The following SF3B3 variants were observed in gnomAD, a reference collection of about 807,000 sequenced individuals.
The protein encoded by SF3B3 is SAP 130.
A neutral mutation model predicts 139.2 loss-of-function variants in SF3B3; 33 were observed. The ratio of observed to expected loss-of-function variants is 0.24; its 90% CI spans 0.18 to 0.32. SF3B3 has a LOEUF of 0.32. SF3B3 is among the 10% of genes least tolerant of loss of function. The pLI is 1.00. For missense variants in SF3B3, 818 were observed against 1,509.4 expected (o/e 0.54, Z 7.59); for synonymous variants, 596 against 563.6 (o/e 1.06, Z -0.81).
chr16:70,537,999 G>GT, intron 6 of SF3B3: 1 of 545,938 alleles, frequency 1.8e-6, no homozygotes, highest in South Asian at 1.4e-5. Flanking sequence ...ATGGAGCAGT[G>GT]TTTCACAGCC....
Position 70,556,895 on chromosome 16 carries a change from C to T in SF3B3, c.1876C>T (p.Gln626Ter). 1 of 1,614,074 alleles carries T rather than the reference C, an allele frequency of 6.2e-7. No individual in the cohort carries two copies. Among genetic ancestry groups the T allele is most frequent in the Non-Finnish European group, 8.5e-7 (1 of 1,179,986 alleles). Residue 626 changes from glutamine to a stop codon, truncating the protein, a stop_gained, in exon 15 of 26, where the codon CAA becomes TAA. Transcript: ENST00000302516. LOFTEE classifies it high-confidence loss of function. ...TTTCTCTCCCTCTCAGGACTGTTTG[C>T]AACCTCTAAGCATGCAGGCTCTCCC... ...IISLDPSDCL[Q>*]PLSMQALPAQ...
At chr16:70,541,865 T>A in intron 9 of SF3B3, 31 bp downstream of exon 9, 1 of 1,590,922 alleles carries the variant, frequency 6.3e-7, no homozygotes, top group South Asian at 1.1e-5. Context: ...CCTTCCACAA[T>A]AGATCTAAAG....
chr16:70,559,439 C>T (rs1290880768), intron 15 of SF3B3, among the ~76,000 whole-genome samples: 2 of 152,044 alleles, frequency 1.3e-5, no homozygotes, highest in African/African-American at 4.8e-5. Flanking sequence ...GTAATCCCAG[C>T]GCTTTGCGAG....
At chr16:70,525,384 C>T (rs1159910915) in intron 1 of SF3B3, among the ~76,000 whole-genome samples, 2 of 152,060 alleles carry the variant, frequency 1.3e-5, no homozygotes, top group Admixed American at 6.6e-5. Flanking sequence ...CCTTCCTCCA[C>T]GATCCAAAGT....
At chr16:70,536,649 G>A (rs1222813662) in intron 6 of SF3B3, among the ~76,000 whole-genome samples, 4 of 151,204 alleles carry the variant, frequency 2.6e-5, no homozygotes, top group African/African-American at 4.9e-5. Flanking sequence ...GTGAGCCACC[G>A]CACCCGGCCT....
At chr16:70,532,703 T>G (rs2050133130) in intron 5 of SF3B3, 83 bp downstream of exon 5, 2 of 1,366,044 alleles carry the variant, frequency 1.5e-6, no homozygotes, top group Admixed American at 3.7e-5. Flanking sequence ...TTAAAGGGTT[T>G]GGGAATTAAT....
rs779969129 is a variant in SF3B3 at position 70,567,444 on chromosome 16, C to T, written c.2860C>T (p.Pro954Ser). Residue 954 changes from proline to serine, a missense_variant, in exon 21 of 26, where the codon CCA becomes TCA. Coordinates refer to ENST00000302516, the MANE Select transcript of SF3B3 (RefSeq NM_012426.5). ...GGAAGAGGTCCCTGCTGCTATTGCC[C>T]CATTCCAGGGGAGGGTGTTGATTGG... ...PVEEVPAAIA[P>S]FQGRVLIGVG... 2 of 1,613,908 alleles carry T rather than the reference C, an allele frequency of 1.2e-6. No individual in the cohort carries two copies. Among genetic ancestry groups the T allele is most frequent in the African/African-American group, 2.7e-5 (2 of 74,914 alleles).
chr16:70,532,339 A>T, intron 4 of SF3B3, 140 bp from the exon 5 acceptor site: 1 of 545,736 alleles, frequency 1.8e-6, no homozygotes, highest in Non-Finnish European at 2.9e-6. Flanking sequence ...TGGGTGACAT[A>T]GTGAGAACCT....
intron 3 of SF3B3, 52 bp downstream of exon 3, chr16:70,529,251 T>G (rs1337892317): frequency 6.8e-7 from 1 of 1,469,046 alleles, no homozygotes; most frequent in Non-Finnish European, 9.4e-7. Context: ...ATAACAATGC[T>G]GTGCTCTTGG....
chr16:70,556,639 A>T, intron 14 of SF3B3: 1 of 598,092 alleles, frequency 1.7e-6, no homozygotes, highest in Non-Finnish European at 2.9e-6. Context: ...ACTTTTCAGG[A>T]GGTGTGCTTT....
chr16:70,534,000 T>C (rs2050144825), intron 5 of SF3B3, among the ~76,000 whole-genome samples: 1 of 152,232 alleles, frequency 6.6e-6, no homozygotes, highest in African/African-American at 2.4e-5. Context: ...GTGCCGCCTT[T>C]GTGCAAGATT....
At chr16:70,571,596 C>G (rs183362267) in intron 25 of SF3B3, 77 bp from the exon 26 acceptor site, 24 of 1,478,332 alleles carry the variant, frequency 1.6e-5, no homozygotes, top group Non-Finnish European at 2.1e-5. Context: ...GCTTTCCCTA[C>G]AAGTGCTGCT....
chr16:70,572,746 G>A lies in SF3B3; in HGVS notation c.*933G>A, dbSNP rs2050541342. 1 of 151,782 alleles carries A rather than the reference G, an allele frequency of 6.6e-6. No homozygotes were observed. The highest frequency in any genetic ancestry group is 2.4e-5 in the African/African-American group (1 of 40,978). The allele number at this position is 151,782 out of a possible 1,614,324, so 9.4% of individuals were successfully genotyped here. A position where few individuals can be genotyped will look rare whatever the true frequency, so the allele number is the denominator to read the frequency against. On this transcript the variant is annotated 3_prime_UTR_variant, in exon 26 of 26. Coordinates refer to ENST00000302516, the MANE Select transcript of SF3B3 (RefSeq NM_012426.5). ...CCCTGCCCCTGAGAACTGTGTATAT[G>A]TGGGGCCTGTCTGCAGCACCCATCT...
At chr16:70,544,584 C>CA (rs766040862) in intron 10 of SF3B3, 51 bp downstream of exon 10, 6 of 1,039,124 alleles carry the variant, frequency 5.8e-6, no homozygotes, top group South Asian at 3.8e-5. Context: ...GAAGCACTGA[C>CA]AAAGTAGTTT....
chr16:70,526,219 T>A (rs572062941), intron 1 of SF3B3, among the ~76,000 whole-genome samples: 275 of 152,116 alleles, frequency 1.8e-3, no homozygotes, highest in African/African-American at 6.5e-3. Flanking sequence ...TATTTATTTT[T>A]TTTTTTGAGA....
At chr16:70,571,609 A>C in intron 25 of SF3B3, 64 bp from the exon 26 acceptor site, 1 of 1,548,786 alleles carries the variant, frequency 6.5e-7, no homozygotes, top group Non-Finnish European at 8.8e-7. Flanking sequence ...GTGCTGCTTT[A>C]GCATGTGCCA....
intron 21 of SF3B3, 88 bp downstream of exon 21, chr16:70,567,624 C>G (rs1056089413): frequency 4.2e-5 from 61 of 1,443,868 alleles, no homozygotes; most frequent in African/African-American, 5.7e-5. Context: ...GTTTTAAAAT[C>G]TTATCTTTAT....
intron 20 of SF3B3, among the ~76,000 whole-genome samples, 163 bp from the exon 21 acceptor site, chr16:70,567,248 C>T (rs949658180): frequency 2.0e-5 from 3 of 152,124 alleles, no homozygotes; most frequent in Non-Finnish European, 2.9e-5. Context: ...ATGCAGCATG[C>T]GGAACTTGTT....
intron 12 of SF3B3, 95 bp downstream of exon 12, chr16:70,554,692 A>C: frequency 7.9e-7 from 1 of 1,271,206 alleles, no homozygotes; most frequent in Non-Finnish European, 1.1e-6. Context: ...CTTCACCCTC[A>C]CCTTCCAGCA....
Sources: gnomAD v4.1 joint callset for allele counts (sites outside exome capture counted in the v4.1 genomes callset) on GRCh38, gnomAD v4.1.1 for gene constraint, MANE v1.5 for transcripts, NCBI Gene and HGNC (gene_info 2026-07-23, HGNC 2026-07-21) for gene names.